MESP1: variants seen among roughly 807,000 people sequenced by gnomAD.
MESP1 encodes mesoderm posterior bHLH transcription factor 1.
Under a neutral mutation model 15.2 loss-of-function variants are expected in MESP1, and 22 were observed. The observed-to-expected ratio is 1.45, with a 90% CI of 1.04 to 2.07. The LOEUF is 2.07. MESP1 is among the 30% of genes most tolerant of loss of function. The pLI is 0.00. For missense variants in MESP1, 484 were observed against 411.9 expected (o/e 1.17, Z -1.51); for synonymous variants, 216 against 192.6 (o/e 1.12, Z -1.01).
chr15:89,743,567 C>A, the MESP1 span: 1 of 612,926 alleles, frequency 1.6e-6, no homozygotes, highest in Non-Finnish European at 2.9e-6. Flanking sequence ...GACCTTCAAC[C>A]ACTAAGCCTC....
rs1367160627 is a variant in MESP1, at chr15:89,751,044, T to G, written c.188A>C (p.Asp63Ala). 17 of 1,127,328 alleles carry G rather than the reference T, an allele frequency of 1.5e-5. No homozygotes were observed. Among genetic ancestry groups the G allele is most frequent in the Non-Finnish European group, 2.0e-5 (17 of 867,062 alleles). The allele number at this position is 1,127,328 out of a possible 1,614,324, so 69.8% of individuals were successfully genotyped here. The change falls in exon 1 of 2, where the codon GAC becomes GCC. Residue 63 changes from aspartate (D) to alanine (A), a missense_variant. By Grantham distance (126) the Asp-to-Ala change is moderately radical (BLOSUM62 -2). Transcript: ENST00000300057. ...ASPARPGTLR[D>A]PRAPSVGRRG... The stretch of plus-strand genomic sequence containing the variant: ...CCTACCTACGGAGGGGGCGCGGGGG[T>G]CCCGGAGGGTGCCTGGCCGCGCGGG...
chr15:89,736,379 G>T, the MESP1 span, among the ~76,000 whole-genome samples: 1 of 152,128 alleles, frequency 6.6e-6, no homozygotes, highest in Non-Finnish European at 1.5e-5. Context: ...CTCCAAGAGA[G>T]CCAAGGGCTG....
chr15:89,749,916 T>C lies in MESP1; in HGVS notation c.*228A>G. ...TATTCACAAATAAATAAATTCACAT[T>C]AGGCAGAGCCTCCTGCTTGCCTCAA... On this transcript the variant is annotated 3_prime_UTR_variant, in exon 2 of 2. Coordinates refer to ENST00000300057, the MANE Select transcript of MESP1 (RefSeq NM_018670.4). 1.8e-6 allele frequency: 1 copy of C among 557,536 alleles called. No homozygotes were observed. The highest frequency in any genetic ancestry group is 3.2e-6 in the Non-Finnish European group (1 of 308,602). 34.5% of individuals were successfully genotyped at this position (557,536 alleles called of 1,614,324 possible). A position where few individuals can be genotyped will look rare whatever the true frequency, so the allele number is the denominator to read the frequency against.
chr15:89,735,647 G>C, the MESP1 span: 9 of 1,328,106 alleles, frequency 6.8e-6, no homozygotes, highest in Admixed American at 1.0e-4. Flanking sequence ...CTTATTGAAG[G>C]CCTGTTATGT....
chr15:89,748,210 G>T (rs188487492), downstream of MESP1, among the ~76,000 whole-genome samples: 199 of 152,134 alleles, frequency 1.3e-3, 3 homozygotes, highest in South Asian at 0.011. Flanking sequence ...CTTCTAAGCT[G>T]TGTCGGCTCC....
At chr15:89,743,420 AG>A in the MESP1 span, 1 of 1,610,422 alleles carries the variant, frequency 6.2e-7, no homozygotes, top group African/African-American at 1.3e-5. Context: ...ATCTCTGAAA[AG>A]GAGGTTTCAG....
chr15:89,743,229 TG>T, the MESP1 span: 1 of 1,566,600 alleles, frequency 6.4e-7, no homozygotes, highest in Non-Finnish European at 8.8e-7. Flanking sequence ...AGGTCTGCCC[TG>T]GGGGCTCGGG....
chr15:89,750,412 G>A, intron 1 of MESP1, 97 bp downstream of exon 1: 1 of 1,456,274 alleles, frequency 6.9e-7, no homozygotes, highest in Non-Finnish European at 9.0e-7. Flanking sequence ...CCAGGCTGCC[G>A]GCGGGGAGCA....
downstream of MESP1, among the ~76,000 whole-genome samples, chr15:89,748,283 A>G (rs1968012257): frequency 6.6e-6 from 1 of 152,136 alleles, no homozygotes. Flanking sequence ...GGGACAGAGG[A>G]GCAGGAAAGG....
At chr15:89,744,827 TC>T in the MESP1 span, among the ~76,000 whole-genome samples, 1 of 151,922 alleles carries the variant, frequency 6.6e-6, no homozygotes, top group Non-Finnish European at 1.5e-5. Flanking sequence ...CAGTTCTAAT[TC>T]CCCCTTCAGG....
Position 89,750,679 on chromosome 15 carries a change from G to A in MESP1, c.553C>T (p.Gln185Ter), listed in dbSNP as rs758299183. ...QTRTQAEGQG[Q>*]GRGLGLVSAV... ...GATACCAGGCCCAGCCCGCGCCCCTGCCCCTGCCCCTCAGCCTGCGTCCGT... is the reference window on the plus strand; with the variant it reads ...GATACCAGGCCCAGCCCGCGCCCCTACCCCTGCCCCTCAGCCTGCGTCCGT... The change falls in exon 1 of 2, where the codon CAG becomes TAG. Residue 185 changes from glutamine (Q) to a stop codon, truncating the protein, a stop_gained. Transcript: ENST00000300057. LOFTEE classifies it high-confidence loss of function. The A allele has an allele frequency of 3.5e-5, 47 of 1,359,368 alleles. No individual in the cohort carries two copies. In the East Asian group the frequency reaches 1.3e-3, roughly 39 times the overall value. The allele number at this position is 1,359,368 out of a possible 1,614,324, so 84.2% of individuals were successfully genotyped here.
At chr15:89,746,161 A>ACATAGCATC (rs1967943499), downstream of MESP1, among the ~76,000 whole-genome samples, 1 of 137,408 alleles carries the variant, frequency 7.3e-6, no homozygotes, top group African/African-American at 2.8e-5. Flanking sequence ...CACAGCATCC[A>ACATAGCATC]CATAGCATCC....
At chr15:89,746,526 TCCACACACGCACA>T (rs1158331559), downstream of MESP1, among the ~76,000 whole-genome samples, 1 of 46,844 alleles carries the variant, frequency 2.1e-5, no homozygotes, top group African/African-American at 9.9e-5. Context: ...CAGCCCAACC[TCCACACACGCACA>T]CACAGCCCAA....
At chr15:89,748,047 A>G (rs542657302), downstream of MESP1, among the ~76,000 whole-genome samples, 4 of 152,352 alleles carry the variant, frequency 2.6e-5, no homozygotes, top group South Asian at 2.1e-4. Context: ...CTAGGTGCTA[A>G]TAAACACTGG....
chr15:89,732,884 A>G, the MESP1 span: 2 of 848,174 alleles, frequency 2.4e-6, no homozygotes, highest in African/African-American at 3.4e-5. Flanking sequence ...CAGGGTGCTC[A>G]TTGCTTGATT....
chr15:89,747,097 C>T (rs1967982095), downstream of MESP1, among the ~76,000 whole-genome samples: 1 of 68,862 alleles, frequency 1.5e-5, no homozygotes, highest in African/African-American at 5.4e-5. Flanking sequence ...GCCCCACTGC[C>T]ACATACACAC....
chr15:89,744,093 C>T, the MESP1 span, among the ~76,000 whole-genome samples: 5 of 152,184 alleles, frequency 3.3e-5, no homozygotes. Context: ...CCGTGAGGAC[C>T]CTGTGTGGAA....
the MESP1 span, chr15:89,732,904 C>A: frequency 1.8e-6 from 2 of 1,121,154 alleles, no homozygotes; most frequent in Non-Finnish European, 2.7e-6. Context: ...TTTGCCTTCA[C>A]ATCCTACAAG....
At chr15:89,733,897 C>T in the MESP1 span, among the ~76,000 whole-genome samples, 1 of 152,042 alleles carries the variant, frequency 6.6e-6, no homozygotes, top group East Asian at 1.9e-4. Flanking sequence ...AGAAGAGGCT[C>T]ATTTCTCCCA....
Sources: allele counts gnomAD v4.1 joint callset (sites outside exome capture counted in the v4.1 genomes callset), GRCh38; gene constraint gnomAD v4.1.1; transcripts MANE v1.5; gene names NCBI Gene and HGNC (gene_info 2026-07-23, HGNC 2026-07-21).